The following PTPN2 variants were observed in gnomAD, a reference collection of about 807,000 sequenced individuals.
PTPN2 encodes the protein protein tyrosine phosphatase non-receptor type 2.
A neutral mutation model predicts 57.3 loss-of-function variants in PTPN2; 19 were observed. The observed-to-expected ratio is 0.33, with a 90% CI of 0.23 to 0.49. The LOEUF is 0.49. Ranked by LOEUF, PTPN2 falls within the 20% of genes least tolerant of loss-of-function variation. The probability of loss-of-function intolerance (pLI) is 0.99; values close to 1 mark genes in which losing one functional copy is unlikely to be tolerated. For synonymous variants in PTPN2, 153 were observed against 164.9 expected, an observed-to-expected ratio of 0.93 and a Z score of 0.55; for missense variants, 358 against 501.1, an observed-to-expected ratio of 0.71 and a Z score of 2.73.
chr18:12,814,964 A>G (rs1026563597), intron 6 of PTPN2, among the ~76,000 whole-genome samples: 18 of 151,994 alleles, frequency 1.2e-4, no homozygotes, highest in African/African-American at 4.1e-4. Context: ...CATGTCTGTA[A>G]TCCCAGCTAC....
intron 2 of PTPN2, among the ~76,000 whole-genome samples, chr18:12,852,725 C>T (rs1305702205): frequency 3.3e-5 from 5 of 152,144 alleles, no homozygotes; most frequent in Admixed American, 1.3e-4. Flanking sequence ...TTATGTTTCT[C>T]GTATTCAGAA....
intron 5 of PTPN2, among the ~76,000 whole-genome samples, chr18:12,822,916 A>G (rs1419587453): frequency 1.3e-5 from 2 of 152,176 alleles, no homozygotes; most frequent in Non-Finnish European, 2.9e-5. Context: ...GAGCAATCCT[A>G]TGAAGTAGGT....
At chr18:12,848,344 G>A (rs1306308023) in intron 2 of PTPN2, among the ~76,000 whole-genome samples, 1 of 152,160 alleles carries the variant, frequency 6.6e-6, no homozygotes, top group African/African-American at 2.4e-5. Context: ...ATCTATAGTG[G>A]TGATGGTTTT....
At chr18:12,835,405 T>G (rs1408670329) in intron 3 of PTPN2, among the ~76,000 whole-genome samples, 1 of 107,056 alleles carries the variant, frequency 9.3e-6, no homozygotes, top group Admixed American at 1.0e-4. Context: ...TTGGACAGTT[T>G]TGCTCTTTCG....
At chr18:12,870,462 T>TATAG (rs1555679714) in intron 1 of PTPN2, among the ~76,000 whole-genome samples, 11 of 17,712 alleles carry the variant, frequency 6.2e-4, no homozygotes, top group Admixed American at 1.2e-3. Context: ...TATATATATA[T>TATAG]AGAGAGAGAG....
At chr18:12,812,411 T>G (rs1439508615) in intron 7 of PTPN2, among the ~76,000 whole-genome samples, 2 of 152,076 alleles carry the variant, frequency 1.3e-5, no homozygotes, top group East Asian at 3.9e-4. Context: ...ACCAGCCTGG[T>G]CAACACTGTG....
intron 1 of PTPN2, among the ~76,000 whole-genome samples, chr18:12,860,589 G>A (rs1266271360): frequency 6.6e-6 from 1 of 151,498 alleles, no homozygotes; most frequent in Non-Finnish European, 1.5e-5. Flanking sequence ...AGAGTGAGGC[G>A]GAAAAAGCAA....
At chr18:12,822,581 C>A (rs966314486) in intron 5 of PTPN2, among the ~76,000 whole-genome samples, 1 of 152,130 alleles carries the variant, frequency 6.6e-6, no homozygotes, top group African/African-American at 2.4e-5. Context: ...CTGGAGGAGG[C>A]GCAGGGCTTG....
At chr18:12,877,727 G>A (rs1467435236) in intron 1 of PTPN2, among the ~76,000 whole-genome samples, 2 of 152,166 alleles carry the variant, frequency 1.3e-5, no homozygotes, top group Non-Finnish European at 2.9e-5. Context: ...AAAGAAAAAT[G>A]GCGGCCAGGC....
chr18:12,796,162 A>C (rs1173947424), intron 8 of PTPN2, among the ~76,000 whole-genome samples: 5 of 152,212 alleles, frequency 3.3e-5, no homozygotes. Flanking sequence ...AGGAAGAAAA[A>C]GGCAGGGAAC....
chr18:12,809,487 T>C (rs1054442319), intron 7 of PTPN2, among the ~76,000 whole-genome samples: 2 of 152,226 alleles, frequency 1.3e-5, no homozygotes, highest in Admixed American at 6.5e-5. Context: ...GATCCCCATC[T>C]ATGTATCTGC....
At chr18:12,880,800 T>C (rs868041883) in intron 1 of PTPN2, 1 of 152,256 alleles carries the variant, frequency 6.6e-6, no homozygotes, top group African/African-American at 2.4e-5. Flanking sequence ...ATCTCATCAA[T>C]GTCTAAGACC....
In PTPN2 at chr18:12,793,270, T is replaced by C. The variant is rs1345455624; in HGVS notation, c.*1008A>G. On this transcript the variant is annotated 3_prime_UTR_variant, in exon 9 of 9. Coordinates refer to ENST00000309660, the MANE Select transcript of PTPN2 (RefSeq NM_002828.4). ...ATGTAAGGTTTGCATATAATCATAC[T>C]ATTTATTGAAGTAGAAAGAAACTGA... 1 of 972,800 alleles carries C rather than the reference T, an allele frequency of 1.0e-6. No individual in the cohort carries two copies. The highest frequency in any genetic ancestry group is 1.8e-5 in the African/African-American group (1 of 56,918). The allele number at this position is 972,800 out of a possible 1,614,324, so 60.3% of individuals were successfully genotyped here. A position where few individuals can be genotyped will look rare whatever the true frequency, so the allele number is the denominator to read the frequency against.
chr18:12,793,441 C>A lies in PTPN2; in HGVS notation c.*837G>T, dbSNP rs1469322877. 2.0e-6 allele frequency: 2 copies of A among 977,980 alleles called. No homozygotes were observed. Among genetic ancestry groups the A allele is most frequent in the African/African-American group, 3.5e-5 (2 of 57,030 alleles). 60.6% of individuals were successfully genotyped at this position (977,980 alleles called of 1,614,324 possible). On this transcript the variant is annotated 3_prime_UTR_variant, in exon 9 of 9. Coordinates refer to ENST00000309660, the MANE Select transcript of PTPN2 (RefSeq NM_002828.4). ...ATAAACATATCAATAATGGGATTTA[C>A]AGAAACCAATTTCTTTACAAAGTCT... is the stretch of plus-strand genomic sequence containing the variant.
chr18:12,865,946 A>G (rs919707587), intron 1 of PTPN2, among the ~76,000 whole-genome samples: 1 of 152,248 alleles, frequency 6.6e-6, no homozygotes, highest in African/African-American at 2.4e-5. Context: ...AGAAACGAAT[A>G]CATACATTCA....
rs2041059800 is a variant in PTPN2, at chr18:12,793,766, AAT to A, written c.*510_*511del. 1.7e-5 allele frequency: 15 copies of A among 906,050 alleles called. No homozygotes were observed. The South Asian group carries it at 2.5e-4, about 15-fold the overall frequency. The allele number at this position is 906,050 out of a possible 1,614,324, so 56.1% of individuals were successfully genotyped here. A position where few individuals can be genotyped will look rare whatever the true frequency, so the allele number is the denominator to read the frequency against. ...AAGTACAGTTAACTACAAAAGATTA[AAT>A]AGATACTTATAAAATATATTTACCC... On this transcript the variant is annotated 3_prime_UTR_variant, in exon 9 of 9. Transcript: ENST00000309660.
chr18:12,878,476 C>G (rs1048733858), intron 1 of PTPN2, among the ~76,000 whole-genome samples: 1 of 151,988 alleles, frequency 6.6e-6, no homozygotes, highest in Admixed American at 6.6e-5. Flanking sequence ...TCAAGACCAG[C>G]CTGACAAACA....
intron 2 of PTPN2, among the ~76,000 whole-genome samples, chr18:12,849,485 G>C (rs143686309): frequency 1.3e-5 from 2 of 152,158 alleles, no homozygotes; most frequent in African/African-American, 4.8e-5. Flanking sequence ...CTTGAACCCG[G>C]GAGGTGGAGG....
chr18:12,793,676 A>G lies in PTPN2; in HGVS notation c.*602T>C. 1 of 984,616 alleles carries G rather than the reference A, an allele frequency of 1.0e-6. No individual in the cohort carries two copies. The highest frequency in any genetic ancestry group is 1.7e-5 in the African/African-American group (1 of 57,312). The allele number at this position is 984,616 out of a possible 1,614,324, so 61.0% of individuals were successfully genotyped here. A position where few individuals can be genotyped will look rare whatever the true frequency, so the allele number is the denominator to read the frequency against. ...CTTTAGAAAAATGGAAAATGTATCC[A>G]GTACAATTCAATCGACATACAATTT... On this transcript the variant is annotated 3_prime_UTR_variant, in exon 9 of 9. Coordinates refer to ENST00000309660, the MANE Select transcript of PTPN2 (RefSeq NM_002828.4).
Sources: allele counts gnomAD v4.1 joint callset (sites outside exome capture counted in the v4.1 genomes callset), GRCh38; gene constraint gnomAD v4.1.1; transcripts MANE v1.5; gene names NCBI Gene and HGNC (gene_info 2026-07-23, HGNC 2026-07-21).